Variants in CEP350 observed in about 807,000 individuals in gnomAD.
The protein encoded by CEP350 is centrosome-associated protein 350.
CEP350 carries 126 observed loss-of-function variants against 331.8 expected under a neutral mutation model. The observed-to-expected ratio is 0.38, with a 90% CI of 0.33 to 0.44. The LOEUF (loss-of-function observed/expected upper bound fraction) is 0.44. Among genes scored for constraint, CEP350 ranks in the 20% least tolerant of loss-of-function variants. The pLI, the probability that CEP350 is intolerant of heterozygous loss-of-function variation, is 1.00. For missense variants in CEP350, 3,406 were observed against 3,634.6 expected, an observed-to-expected ratio of 0.94 and a Z score of 1.62; for synonymous variants, 1,200 against 1,259.5, an observed-to-expected ratio of 0.95 and a Z score of 1.00.
intron 9 of CEP350, among the ~76,000 whole-genome samples, chr1:180,012,458 T>G (rs2148801237): frequency 1.3e-5 from 2 of 152,246 alleles, no homozygotes; most frequent in South Asian, 4.1e-4. Context: ...TTTGACAGAT[T>G]AGGAAACAGG....
chr1:180,104,122 C>A (rs1661009857), intron 37 of CEP350, among the ~76,000 whole-genome samples: 1 of 148,974 alleles, frequency 6.7e-6, no homozygotes, highest in Non-Finnish European at 1.5e-5. Context: ...TTATCTAATA[C>A]ATCTACATAT....
chr1:180,019,979 G>C lies in CEP350; in HGVS notation c.2205G>C (p.Gln735His). 2 of 1,611,082 alleles carry C rather than the reference G, an allele frequency of 1.2e-6. No individual in the cohort carries two copies. Among genetic ancestry groups the C allele is most frequent in the Non-Finnish European group, 1.7e-6 (2 of 1,178,620 alleles). The change falls in exon 12 of 38, where the codon CAG (glutamine) becomes CAC (histidine). Residue 735 changes from glutamine to histidine, a missense_variant. Physicochemically the swap from Gln to His is conservative, Grantham distance 24. Around this residue, in one of 5 missense-constraint regions of CEP350, gnomAD observed 1,857 missense variants for 1,909.2 expected, o/e 0.97. Transcript: ENST00000367607. ...ACTTGATGGAATCTACATGGATGCA[G>C]CCTGAAAGATTGAGCCCACAAGTTC... ...RKDLMESTWM[Q>H]PERLSPQVHH...
At position 180,008,030 on chromosome 1, in the gene CEP350, G is replaced by A. The variant is rs1654377597; in HGVS notation, c.1246+1463G>A. ...CTTCTCTCCAATTTTTTTCTGTGAT[G>A]ATTTTTAATATAAGTTAACCAGATT... On this transcript the variant is annotated intron_variant, in intron 8 of 37. Transcript: ENST00000367607. 2.0e-5 allele frequency among the ~76,000 whole-genome samples: 3 copies of A among 152,000 alleles called. No individual in the cohort carries two copies. The East Asian group carries it at 5.8e-4, about 29-fold the overall frequency.
At chr1:179,960,672 G>T (rs533950659) in intron 1 of CEP350, among the ~76,000 whole-genome samples, 4 of 152,014 alleles carry the variant, frequency 2.6e-5, no homozygotes, top group African/African-American at 7.2e-5. Flanking sequence ...AATCAATTTG[G>T]AACAGTAAAT....
chr1:180,071,230 G>A (rs1658870411), intron 27 of CEP350, among the ~76,000 whole-genome samples: 1 of 151,220 alleles, frequency 6.6e-6, no homozygotes, highest in South Asian at 2.1e-4. Context: ...GGCCGAGGAG[G>A]GTGGATCACC....
Position 180,048,707 on chromosome 1 carries a change from T to C in CEP350, c.4792+2T>C. On this transcript the variant is annotated splice_donor_variant, in intron 22 of 37. Coordinates refer to ENST00000367607, the MANE Select transcript of CEP350 (RefSeq NM_014810.5). LOFTEE classifies it high-confidence loss of function. The stretch of plus-strand genomic sequence containing the variant: ...TTCCATCTCTTCCTGATGAAAAAGG[T>C]AACTTTCTTTGCAAATAAATGTGTA... 2 of 1,603,654 alleles carry C rather than the reference T, an allele frequency of 1.2e-6. No homozygotes were observed. The highest frequency in any genetic ancestry group is 1.7e-6 in the Non-Finnish European group (2 of 1,174,370).
intron 12 of CEP350, 145 bp downstream of exon 12, chr1:180,021,154 AT>A (rs1655296197): frequency 1.7e-6 from 1 of 574,250 alleles, no homozygotes; most frequent in African/African-American, 1.9e-5. Context: ...CATCTTCTAA[AT>A]TTCCTGCAAG....
intron 9 of CEP350, among the ~76,000 whole-genome samples, chr1:180,013,587 T>A (rs1488086555): frequency 2.0e-5 from 3 of 152,128 alleles, no homozygotes; most frequent in Non-Finnish European, 4.4e-5. Context: ...AAGAGCTATC[T>A]TTTTTGTCCA....
At chr1:179,992,615 G>C (rs76980900) in intron 5 of CEP350, among the ~76,000 whole-genome samples, 1,529 of 146,898 alleles carry the variant, frequency 0.01, 26 homozygotes, top group African/African-American at 0.034. Flanking sequence ...CTTTTTTTTT[G>C]GGTAGCATTA....
intron 1 of CEP350, among the ~76,000 whole-genome samples, chr1:179,982,658 T>G (rs1652365248): frequency 6.6e-6 from 1 of 152,256 alleles, no homozygotes; most frequent in African/African-American, 2.4e-5. Context: ...GCACTTATTT[T>G]AGTTTTAAAG....
In CEP350 at chr1:180,114,346, A is replaced by C. The variant is rs969067841; in HGVS notation, c.*3185A>C. On this transcript the variant is annotated 3_prime_UTR_variant, in exon 38 of 38. Transcript: ENST00000367607. ...ACTACCTTAAGAATACTAGTGAATA[A>C]AACATTAATTCAAAGAGCAAATTAT... 1 of 152,688 alleles carries C rather than the reference A, an allele frequency of 6.5e-6. No homozygotes were observed. Among genetic ancestry groups the C allele is most frequent in the African/African-American group, 2.4e-5 (1 of 41,462 alleles). The allele number at this position is 152,688 out of a possible 1,614,324, so 9.5% of individuals were successfully genotyped here. A position where few individuals can be genotyped will look rare whatever the true frequency, so the allele number is the denominator to read the frequency against.
At chr1:180,040,666 A>G (rs1656706788) in intron 17 of CEP350, among the ~76,000 whole-genome samples, 1 of 151,658 alleles carries the variant, frequency 6.6e-6, no homozygotes, top group African/African-American at 2.4e-5. Flanking sequence ...ATATATTTAT[A>G]GATAACATTG....
intron 1 of CEP350, among the ~76,000 whole-genome samples, chr1:179,970,916 G>A (rs1195591509): frequency 6.6e-6 from 1 of 152,092 alleles, no homozygotes; most frequent in African/African-American, 2.4e-5. Flanking sequence ...TTGTTCATGT[G>A]GGATTTATCT....
chr1:180,016,571 A>G (rs1654988016), intron 11 of CEP350, among the ~76,000 whole-genome samples: 2 of 152,200 alleles, frequency 1.3e-5, no homozygotes, highest in Admixed American at 1.3e-4. Flanking sequence ...TATACTTTGT[A>G]ATAATAACCA....
chr1:180,042,485 G>A (rs1178304629), intron 19 of CEP350, among the ~76,000 whole-genome samples: 1 of 152,158 alleles, frequency 6.6e-6, no homozygotes, highest in Non-Finnish European at 1.5e-5. Flanking sequence ...ATCCATGAAT[G>A]TACTATATGT....
chr1:180,089,299 A>G (rs1040675438), intron 32 of CEP350, among the ~76,000 whole-genome samples: 4 of 152,142 alleles, frequency 2.6e-5, no homozygotes, highest in African/African-American at 4.8e-5. Flanking sequence ...TAAAAAGTAG[A>G]CTTGAGCCAG....
At chr1:179,966,455 G>C (rs894622646) in intron 1 of CEP350, among the ~76,000 whole-genome samples, 3 of 152,152 alleles carry the variant, frequency 2.0e-5, no homozygotes, top group Admixed American at 2.0e-4. Context: ...AAGCTGGAAG[G>C]TGTAGTACTC....
intron 1 of CEP350, among the ~76,000 whole-genome samples, chr1:179,976,300 G>A (rs559064111): frequency 1.3e-5 from 2 of 151,982 alleles, no homozygotes; most frequent in Non-Finnish European, 2.9e-5. Flanking sequence ...TTAGTTGAAG[G>A]ACTGTTCATA....
In CEP350 at chr1:180,095,661, C is replaced by G. The variant is rs1284550412; in HGVS notation, c.8650C>G (p.His2884Asp). The change falls in exon 35 of 38, where the codon CAC (histidine) becomes GAC (aspartate). Residue 2884 changes from histidine (H) to aspartate (D), a missense_variant. By Grantham distance (81) the His-to-Asp change is moderately conservative (BLOSUM62 -1). Transcript: ENST00000367607. ...TGAAGACTTTGGTTTGAGCTCTTCTCACAAGATCCAAAAAAATAAGGCAGA... is the reference window on the plus strand; with the variant it reads ...TGAAGACTTTGGTTTGAGCTCTTCTGACAAGATCCAAAAAAATAAGGCAGA... ...FDEDFGLSSS[H>D]KIQKNKAEET... 6.2e-7 allele frequency: 1 copy of G among 1,613,772 alleles called. No homozygotes were observed. The highest frequency in any genetic ancestry group is 1.3e-5 in the African/African-American group (1 of 74,896).
Sources: gnomAD v4.1 joint callset for allele counts (sites outside exome capture counted in the v4.1 genomes callset) on GRCh38, gnomAD v4.1.1 for gene constraint, gnomAD v4.1.1 regional missense constraint, MANE v1.5 for transcripts, NCBI Gene and HGNC (gene_info 2026-07-23, HGNC 2026-07-21) for gene names.